Variants in PIK3C3 observed in about 807,000 individuals in gnomAD.
PIK3C3 encodes phosphatidylinositol 3-kinase catalytic subunit type 3, also known as PI3-kinase type 3.
PIK3C3 carries 95 observed loss-of-function variants against 126.1 expected under a neutral mutation model. That is an observed-to-expected ratio of 0.75 (90% confidence interval 0.64 to 0.89). The LOEUF (loss-of-function observed/expected upper bound fraction) is 0.89, where lower values mean the gene tolerates loss of function less well. PIK3C3 is among the 40% of genes least tolerant of loss of function. PIK3C3 has a pLI of 0.00. For missense variants in PIK3C3, 829 were observed against 1,063.2 expected (o/e 0.78, Z 3.06); for synonymous variants, 374 against 360.0 (o/e 1.04, Z -0.44).
intron 21 of PIK3C3, among the ~76,000 whole-genome samples, chr18:42,055,649 G>A (rs1985029973): frequency 6.6e-6 from 1 of 152,004 alleles, no homozygotes; most frequent in South Asian, 2.1e-4. Flanking sequence ...AATTTTTGGA[G>A]TTGGGAATTA....
intron 13 of PIK3C3, among the ~76,000 whole-genome samples, chr18:42,021,074 A>C (rs1325769443): frequency 6.6e-6 from 1 of 152,164 alleles, no homozygotes; most frequent in Non-Finnish European, 1.5e-5. Flanking sequence ...AAAAAGAAAA[A>C]GTTGGAATTA....
At chr18:42,047,837 A>T (rs1191648418) in intron 20 of PIK3C3, among the ~76,000 whole-genome samples, 1 of 152,234 alleles carries the variant, frequency 6.6e-6, no homozygotes, top group Non-Finnish European at 1.5e-5. Flanking sequence ...TGATACTGCC[A>T]GTCTGTGGGA....
At chr18:42,041,500 T>A (rs955048699) in intron 19 of PIK3C3, among the ~76,000 whole-genome samples, 4 of 151,042 alleles carry the variant, frequency 2.6e-5, no homozygotes, top group African/African-American at 9.7e-5. Context: ...TTTTTTTTTT[T>A]ACCCTTTAAA....
intron 16 of PIK3C3, among the ~76,000 whole-genome samples, chr18:42,036,361 T>C (rs1984049471): frequency 6.6e-6 from 1 of 152,188 alleles, no homozygotes; most frequent in African/African-American, 2.4e-5. Context: ...TGTTCATCCA[T>C]CTATATGATG....
intron 22 of PIK3C3, among the ~76,000 whole-genome samples, chr18:42,058,698 T>C (rs1440331064): frequency 1.3e-5 from 2 of 152,190 alleles, no homozygotes; most frequent in African/African-American, 2.4e-5. Context: ...AAATCTGTGC[T>C]TCCTTCTTGC....
chr18:41,993,245 A>G, intron 6 of PIK3C3, 25 bp from the exon 7 acceptor site: 1 of 1,505,936 alleles, frequency 6.6e-7, no homozygotes, highest in African/African-American at 1.4e-5. Context: ...TTCTTTTTTT[A>G]AAAAATTATT....
Position 42,083,547 on chromosome 18 carries a change from T to G in PIK3C3, c.*2410T>G, listed in dbSNP as rs367548884. 1 of 152,122 alleles carries G rather than the reference T, an allele frequency of 6.6e-6. No homozygotes were observed. Among genetic ancestry groups the G allele is most frequent in the South Asian group, 2.1e-4 (1 of 4,832 alleles). The allele number at this position is 152,122 out of a possible 1,614,324, so 9.4% of individuals were successfully genotyped here. ...TGCTTTTTGCTGGAGTTAGCAAAAA[T>G]CATTCTCCATATGATAGTTTTAGAT... On this transcript the variant is annotated 3_prime_UTR_variant, in exon 25 of 25. Coordinates refer to ENST00000262039, the MANE Select transcript of PIK3C3 (RefSeq NM_002647.4).
At chr18:42,058,636 A>T (rs2144506722) in intron 22 of PIK3C3, among the ~76,000 whole-genome samples, 1 of 152,284 alleles carries the variant, frequency 6.6e-6, no homozygotes, top group East Asian at 1.9e-4. Flanking sequence ...CTCATCAGTC[A>T]TTCTGCTACA....
chr18:42,060,971 A>G (rs1056105260), intron 22 of PIK3C3, among the ~76,000 whole-genome samples: 1 of 152,198 alleles, frequency 6.6e-6, no homozygotes, highest in Non-Finnish European at 1.5e-5. Flanking sequence ...TTTTGCTGTC[A>G]TGGAAAATAG....
intron 20 of PIK3C3, among the ~76,000 whole-genome samples, chr18:42,045,362 T>G (rs993519043): frequency 2.0e-5 from 3 of 152,244 alleles, no homozygotes; most frequent in Admixed American, 6.5e-5. Context: ...ATTTCTCTTC[T>G]GTTTTTCTCA....
intron 10 of PIK3C3, among the ~76,000 whole-genome samples, chr18:42,005,260 G>A (rs1982489005): frequency 6.6e-6 from 1 of 152,186 alleles, no homozygotes; most frequent in Admixed American, 6.5e-5. Flanking sequence ...TTACAAACCT[G>A]TATAGCATGT....
intron 12 of PIK3C3, among the ~76,000 whole-genome samples, chr18:42,019,207 T>C (rs1057425168): frequency 1.6e-4 from 24 of 152,288 alleles, no homozygotes; most frequent in African/African-American, 5.8e-4. Context: ...GTTATTTTCT[T>C]TTCCTGATAG....
chr18:42,007,052 T>G (rs1982583947), intron 10 of PIK3C3, among the ~76,000 whole-genome samples: 1 of 152,016 alleles, frequency 6.6e-6, no homozygotes, highest in Non-Finnish European at 1.5e-5. Flanking sequence ...TCTTTTTTAG[T>G]AGAGACGGGG....
intron 24 of PIK3C3, among the ~76,000 whole-genome samples, chr18:42,067,844 G>T (rs1013291101): frequency 6.6e-6 from 1 of 152,140 alleles, no homozygotes; most frequent in Admixed American, 6.5e-5. Context: ...TTGGGTTTTG[G>T]TGAATGATGA....
chr18:42,061,757 A>T (rs374369516), intron 22 of PIK3C3, among the ~76,000 whole-genome samples: 1 of 152,244 alleles, frequency 6.6e-6, no homozygotes. Flanking sequence ...TTCACAAAGT[A>T]TGTGGATATC....
At chr18:41,998,941 C>T (rs1982153292) in intron 9 of PIK3C3, among the ~76,000 whole-genome samples, 1 of 152,148 alleles carries the variant, frequency 6.6e-6, no homozygotes, top group South Asian at 2.1e-4. Flanking sequence ...GGTTACTTGA[C>T]ATTTGGGCCC....
chr18:42,037,703 G>A lies in PIK3C3; in HGVS notation c.1851G>A (p.Met617Ile), dbSNP rs1341193005. Residue 617 changes from methionine to isoleucine, a missense_variant, in exon 17 of 25, where the codon ATG (methionine) becomes ATA (isoleucine). By Grantham distance (10) the Met-to-Ile change is conservative. Transcript: ENST00000262039. ...ETATLFKSAL[M>I]PAQLFFKTED... ...TTTTTATTTTCCAGAGTGCCCTTAT[G>A]CCTGCACAGTTGTTTTTTAAGACGG... 3 of 1,611,298 alleles carry A rather than the reference G, an allele frequency of 1.9e-6. No homozygotes were observed. The highest frequency in any genetic ancestry group is 3.3e-5 in the Admixed American group (2 of 59,860).
chr18:42,020,492 T>C, intron 12 of PIK3C3, 146 bp from the exon 13 acceptor site: 1 of 546,848 alleles, frequency 1.8e-6, no homozygotes, highest in Non-Finnish European at 3.3e-6. Flanking sequence ...GTTTTATGTA[T>C]GTATGTAAGG....
chr18:42,054,177 T>TATATATATATATAG (rs1984951010), intron 21 of PIK3C3, among the ~76,000 whole-genome samples: 1 of 65,466 alleles, frequency 1.5e-5, no homozygotes, highest in African/African-American at 7.3e-5. Context: ...TATATATATA[T>TATATATATATATAG]ATATATATAT....
Sources: gnomAD v4.1 joint callset for allele counts (sites outside exome capture counted in the v4.1 genomes callset) on GRCh38, gnomAD v4.1.1 for gene constraint, MANE v1.5 for transcripts, NCBI Gene and HGNC (gene_info 2026-07-23, HGNC 2026-07-21) for gene names.